Variants in PCDHB12 observed in about 807,000 individuals in gnomAD.
PCDHB12 encodes the protein protocadherin beta 12, also known as protocadherin beta-12.
For missense variants in PCDHB12, 1,192 were observed against 998.2 expected (o/e 1.19, Z -2.62); for synonymous variants, 560 against 445.2 (o/e 1.26, Z -3.24).
Position 141,210,461 on chromosome 5 carries a change from G to C in PCDHB12, c.1554G>C (p.Ser518=), listed in dbSNP as rs781913146. 4 of 1,612,910 alleles carry C rather than the reference G, an allele frequency of 2.5e-6. No homozygotes were observed. The South Asian group carries it at 3.3e-5, about 13-fold the overall frequency. ...ACGGCCACCTGTTTGCCCTCAGGTC[G>C]CTGGACTACGAGGCCCTGCAGGGGT... ...ADNGHLFALR[S]LDYEALQGFQ... is the part of the protein sequence containing the mutation. The change falls in exon 1 of 1, where the codon TCG becomes TCC. Residue 518 remains serine, a synonymous_variant. Transcript: ENST00000239450.
In PCDHB12 at chr5:141,211,233, C is replaced by A; in HGVS notation, c.2326C>A (p.Pro776Thr). Residue 776 changes from proline to threonine, a missense_variant, in exon 1 of 1, where the codon CCC (proline) becomes ACC (threonine). Pro to Thr is a conservative substitution (Grantham distance 38). Transcript: ENST00000239450. ...GAAACCAATTATCCCCAACTTCCTA[C>A]CCCAGAGCACAGGTAGTGAAGTCGA... ...FLKPIIPNFLPQSTGSEVEEN... is the reference protein window; with the variant it reads ...FLKPIIPNFLTQSTGSEVEEN... The A allele has an allele frequency of 6.2e-7, 1 of 1,613,464 alleles. No homozygotes were observed. The highest frequency in any genetic ancestry group is 1.7e-5 in the Admixed American group (1 of 59,912).
Position 141,211,365 on chromosome 5 carries a change from T to A in PCDHB12, c.*70T>A. The A allele has an allele frequency of 7.1e-7, 1 of 1,414,588 alleles. No individual in the cohort carries two copies. The highest frequency in any genetic ancestry group is 9.7e-7 in the Non-Finnish European group (1 of 1,033,068). The allele number at this position is 1,414,588 out of a possible 1,614,324, so 87.6% of individuals were successfully genotyped here. Reference sequence around the variant, plus strand: ...TTAGGAACTTATCGTGAGGTGCCTGTAAAGTAGTATTTTTGATCACTTCAA... The same window carrying A: ...TTAGGAACTTATCGTGAGGTGCCTGAAAAGTAGTATTTTTGATCACTTCAA... On this transcript the variant is annotated 3_prime_UTR_variant, in exon 1 of 1. Coordinates refer to ENST00000239450, the MANE Select transcript of PCDHB12 (RefSeq NM_018932.4).
In PCDHB12 at chr5:141,210,122, A is replaced by G. The variant is rs1588386565; in HGVS notation, c.1215A>G (p.Thr405=). 1.9e-6 allele frequency: 3 copies of G among 1,613,896 alleles called. No individual in the cohort carries two copies. Among genetic ancestry groups the G allele is most frequent in the South Asian group, 2.2e-5 (2 of 91,054 alleles). Residue 405 remains threonine (T), a synonymous_variant, in exon 1 of 1, where the codon ACA becomes ACG. Transcript: ENST00000239450. ...TAAATAATTACTACACTTTGGAAAC[A>G]GAGAGACCGCTGGACAGAGAGAGCA... is the stretch of plus-strand genomic sequence containing the variant. ...SSVNNYYTLE[T]ERPLDRESRA...
At position 141,210,885 on chromosome 5, in the gene PCDHB12, G is replaced by A; in HGVS notation, c.1978G>A (p.Val660Met). ...PPRSATATLHVLLVDGFSQPY... is the reference protein window; with the variant it reads ...PPRSATATLHMLLVDGFSQPY... ...GCGCTCGGCCACCGCCACGCTGCAC[G>A]TGCTCCTGGTGGACGGCTTCTCCCA... Residue 660 changes from valine (V) to methionine (M), a missense_variant, in exon 1 of 1, where the codon GTG becomes ATG. By Grantham distance (21) the Val-to-Met change is conservative. Coordinates refer to ENST00000239450, the MANE Select transcript of PCDHB12 (RefSeq NM_018932.4). 3 of 1,607,160 alleles carry A rather than the reference G, an allele frequency of 1.9e-6. No homozygotes were observed. The highest frequency in any genetic ancestry group is 1.7e-6 in the Non-Finnish European group (2 of 1,179,546).
rs201380159 is a variant in PCDHB12, at chr5:141,211,014, T to C, written c.2107T>C (p.Phe703Leu). ...ALASVSSLFL[F>L]SVLLFVAVRL... The stretch of plus-strand genomic sequence containing the variant: ...GGCCTCAGTGTCGTCGCTCTTCCTC[T>C]TCTCGGTGCTCCTGTTCGTGGCGGT... The change falls in exon 1 of 1, where the codon TTC becomes CTC. Residue 703 changes from phenylalanine to leucine, a missense_variant. Transcript: ENST00000239450. 5.7e-5 allele frequency: 92 copies of C among 1,611,682 alleles called. No individual in the cohort carries two copies. Among genetic ancestry groups the C allele is most frequent in the Non-Finnish European group, 7.5e-5 (89 of 1,179,908 alleles).
At position 141,210,484 on chromosome 5, in the gene PCDHB12, G is replaced by A. The variant is rs782768075; in HGVS notation, c.1577G>A (p.Gly526Glu). 1.4e-5 allele frequency: 22 copies of A among 1,612,624 alleles called. No individual in the cohort carries two copies. The highest frequency in any genetic ancestry group is 1.9e-5 in the Non-Finnish European group (22 of 1,179,842). Residue 526 changes from glycine (G) to glutamate (E), a missense_variant, in exon 1 of 1, where the codon GGG (glycine) becomes GAG (glutamate). Coordinates refer to ENST00000239450, the MANE Select transcript of PCDHB12 (RefSeq NM_018932.4). ...LRSLDYEALQ[G>E]FQFRVGATDH... ...TCGCTGGACTACGAGGCCCTGCAGG[G>A]GTTCCAGTTCCGCGTGGGCGCCACA...
rs782725376 is a variant in PCDHB12, at chr5:141,209,732, T to C, written c.825T>C (p.Ser275=). The C allele has an allele frequency of 2.5e-6, 4 of 1,614,216 alleles. No homozygotes were observed. The South Asian group carries it at 3.3e-5, about 13-fold the overall frequency. ...GGGATTTAGACTCTGGAACAAACAGTGAACTATCCTATACCTTTTCCCATG... is the reference window on the plus strand; with the variant it reads ...GGGATTTAGACTCTGGAACAAACAGCGAACTATCCTATACCTTTTCCCATG... ...SAWDLDSGTN[S]ELSYTFSHAS... The change falls in exon 1 of 1, where the codon AGT becomes AGC. Residue 275 remains serine, a synonymous_variant. Transcript: ENST00000239450.
Position 141,209,701 on chromosome 5 carries a change from C to T in PCDHB12, c.794C>T (p.Ser265Leu), listed in dbSNP as rs1563977359. ...SILGSLVVTV[S>L]AWDLDSGTNS... ...CTTGGCTCCCTGGTTGTGACCGTCT[C>T]AGCCTGGGATTTAGACTCTGGAACA... The change falls in exon 1 of 1, where the codon TCA becomes TTA. Residue 265 changes from serine (S) to leucine (L), a missense_variant. Transcript: ENST00000239450. 1 of 1,614,238 alleles carries T rather than the reference C, an allele frequency of 6.2e-7. No homozygotes were observed. The highest frequency in any genetic ancestry group is 8.5e-7 in the Non-Finnish European group (1 of 1,180,050).
rs1412595720 is a variant in PCDHB12, at chr5:141,209,545, C to T, written c.638C>T (p.Thr213Ile). 24 of 1,614,096 alleles carry T rather than the reference C, an allele frequency of 1.5e-5. No individual in the cohort carries two copies. Among genetic ancestry groups the T allele is most frequent in the Non-Finnish European group, 1.6e-5 (19 of 1,180,046 alleles). The change falls in exon 1 of 1, where the codon ACT becomes ATT. Residue 213 changes from threonine (T) to isoleucine (I), a missense_variant. Physicochemically the swap from Thr to Ile is moderately conservative, Grantham distance 89. Coordinates refer to ENST00000239450, the MANE Select transcript of PCDHB12 (RefSeq NM_018932.4). Reference sequence around the variant, plus strand: ...CGCCCGGAGCTCAGTTTCATCCTCACTGCTCTGGATGGCGGGTCCCCTCCC... The same window carrying T: ...CGCCCGGAGCTCAGTTTCATCCTCATTGCTCTGGATGGCGGGTCCCCTCCC... ...EERPELSFIL[T>I]ALDGGSPPRS...
Position 141,211,370 on chromosome 5 carries a change from T to C in PCDHB12, c.*75T>C. ...AACTTATCGTGAGGTGCCTGTAAAG[T>C]AGTATTTTTGATCACTTCAAATACA... On this transcript the variant is annotated 3_prime_UTR_variant, in exon 1 of 1. Transcript: ENST00000239450. 2.1e-6 allele frequency: 3 copies of C among 1,399,142 alleles called. No homozygotes were observed. The highest frequency in any genetic ancestry group is 2.9e-6 in the Non-Finnish European group (3 of 1,020,066). The allele number at this position is 1,399,142 out of a possible 1,614,324, so 86.7% of individuals were successfully genotyped here.
Position 141,212,445 on chromosome 5 carries a change from G to A in PCDHB12, c.*1150G>A, listed in dbSNP as rs1754480739. ...TTTTTAGAAATTTTGGGGAGTTAAG[G>A]AGAAGCATTGTTTGTTAAAAATATA... On this transcript the variant is annotated 3_prime_UTR_variant, in exon 1 of 1. Coordinates refer to ENST00000239450, the MANE Select transcript of PCDHB12 (RefSeq NM_018932.4). The A allele has an allele frequency of 6.6e-6, 1 of 152,220 alleles. No individual in the cohort carries two copies. The highest frequency in any genetic ancestry group is 2.4e-5 in the African/African-American group (1 of 41,412). The allele number at this position is 152,220 out of a possible 1,614,324, so 9.4% of individuals were successfully genotyped here. A position where few individuals can be genotyped will look rare whatever the true frequency, so the allele number is the denominator to read the frequency against.
Position 141,210,839 on chromosome 5 carries a change from C to T in PCDHB12, c.1932C>T (p.Val644=), listed in dbSNP as rs1754436755. Residue 644 remains valine (V), a synonymous_variant, in exon 1 of 1, where the codon GTC becomes GTT. Coordinates refer to ENST00000239450, the MANE Select transcript of PCDHB12 (RefSeq NM_018932.4). ...DAAKHRLVVL[V]KDNGEPPRSA... Reference sequence around the variant, plus strand: ...CCAAGCACAGGCTGGTGGTGCTGGTCAAGGACAATGGCGAGCCTCCGCGCT... The same window carrying T: ...CCAAGCACAGGCTGGTGGTGCTGGTTAAGGACAATGGCGAGCCTCCGCGCT... 1.2e-6 allele frequency: 2 copies of T among 1,602,238 alleles called. No homozygotes were observed. Among genetic ancestry groups the T allele is most frequent in the Admixed American group, 1.7e-5 (1 of 59,928 alleles).
At position 141,209,251 on chromosome 5, in the gene PCDHB12, A is replaced by G. The variant is rs199513227; in HGVS notation, c.344A>G (p.Gln115Arg). 116 of 1,614,230 alleles carry G rather than the reference A, an allele frequency of 7.2e-5. No homozygotes were observed. In the East Asian group the frequency reaches 2.5e-3, roughly 35 times the overall value. ...YFQVLMKNPTQFLQIELQVRD... is the reference protein window; with the variant it reads ...YFQVLMKNPTRFLQIELQVRD... ...CAAGTGTTAATGAAAAACCCCACGC[A>G]GTTTTTACAAATTGAGCTCCAGGTC... The change falls in exon 1 of 1, where the codon CAG (glutamine) becomes CGG (arginine). Residue 115 changes from glutamine to arginine, a missense_variant. By Grantham distance (43) the Gln-to-Arg change is conservative. Coordinates refer to ENST00000239450, the MANE Select transcript of PCDHB12 (RefSeq NM_018932.4).
In PCDHB12 at chr5:141,210,308, C is replaced by A; in HGVS notation, c.1401C>A (p.Ala467=). Residue 467 remains alanine (A), a synonymous_variant, in exon 1 of 1, where the codon GCC becomes GCA. Coordinates refer to ENST00000239450, the MANE Select transcript of PCDHB12 (RefSeq NM_018932.4). ...ALFVRENNSP[A]LHIGSISATD... is the part of the protein sequence containing the mutation. ...TCGTCCGCGAGAACAACAGCCCCGC[C>A]CTGCACATCGGCAGCATCAGCGCCA... 6.2e-7 allele frequency: 1 copy of A among 1,613,570 alleles called. No individual in the cohort carries two copies. The highest frequency in any genetic ancestry group is 1.8e-4 in the Middle Eastern group (1 of 5,522).
Position 141,210,828 on chromosome 5 carries a change from G to A in PCDHB12, c.1921G>A (p.Val641Met), listed in dbSNP as rs372246857. 2 of 1,601,448 alleles carry A rather than the reference G, an allele frequency of 1.2e-6. No homozygotes were observed. Among genetic ancestry groups the A allele is most frequent in the Non-Finnish European group, 1.7e-6 (2 of 1,178,790 alleles). Residue 641 changes from valine (V) to methionine (M), a missense_variant, in exon 1 of 1, where the codon GTG becomes ATG. Transcript: ENST00000239450. ...GCGCGACGCGGCCAAGCACAGGCTG[G>A]TGGTGCTGGTCAAGGACAATGGCGA... Reference protein sequence around the residue: ...SERDAAKHRLVVLVKDNGEPP... With the variant: ...SERDAAKHRLMVLVKDNGEPP...
Position 141,211,477 on chromosome 5 carries a change from A to G in PCDHB12, c.*182A>G. On this transcript the variant is annotated 3_prime_UTR_variant, in exon 1 of 1. Coordinates refer to ENST00000239450, the MANE Select transcript of PCDHB12 (RefSeq NM_018932.4). ...CCAAGAACACTTCACAAAGCAGGAAATGTGCATGTGTAATGGTTTATGTCA... is the reference window on the plus strand; with the variant it reads ...CCAAGAACACTTCACAAAGCAGGAAGTGTGCATGTGTAATGGTTTATGTCA... 1 of 724,558 alleles carries G rather than the reference A, an allele frequency of 1.4e-6. No individual in the cohort carries two copies. Among genetic ancestry groups the G allele is most frequent in the Non-Finnish European group, 2.4e-6 (1 of 411,234 alleles). The allele number at this position is 724,558 out of a possible 1,614,324, so 44.9% of individuals were successfully genotyped here. A position where few individuals can be genotyped will look rare whatever the true frequency, so the allele number is the denominator to read the frequency against.
In PCDHB12 at chr5:141,209,878, G is replaced by A. The variant is rs139586852; in HGVS notation, c.971G>A (p.Gly324Glu). ...TCAATAATCATTCAAGCCACAGATG[G>A]GGGAGGACTTTTTGGAAAATCTACA... The part of the protein sequence containing the change: ...SYSIIIQATD[G>E]GGLFGKSTVR... The change falls in exon 1 of 1, where the codon GGG becomes GAG. Residue 324 changes from glycine (G) to glutamate (E), a missense_variant. By Grantham distance (98) the Gly-to-Glu change is moderately conservative. Coordinates refer to ENST00000239450, the MANE Select transcript of PCDHB12 (RefSeq NM_018932.4). 9.3e-6 allele frequency: 15 copies of A among 1,614,068 alleles called. No homozygotes were observed. In the East Asian group the frequency reaches 1.3e-4, roughly 14 times the overall value.
Position 141,211,314 on chromosome 5 carries a change from A to T in PCDHB12, c.*19A>T, listed in dbSNP as rs1554287203. 2 of 1,565,162 alleles carry T rather than the reference A, an allele frequency of 1.3e-6. No individual in the cohort carries two copies. The highest frequency in any genetic ancestry group is 1.7e-6 in the Non-Finnish European group (2 of 1,160,314). The stretch of plus-strand genomic sequence containing the variant: ...TTTCTGATAAAGAATGAAAAATAAA[A>T]CCTGTGTTTATGAATACATTTATAA... On this transcript the variant is annotated 3_prime_UTR_variant, in exon 1 of 1. Coordinates refer to ENST00000239450, the MANE Select transcript of PCDHB12 (RefSeq NM_018932.4).
rs1312519126 is a variant in PCDHB12, at chr5:141,209,095, G to A, written c.188G>A (p.Gly63Glu). 2 of 1,613,630 alleles carry A rather than the reference G, an allele frequency of 1.2e-6. No individual in the cohort carries two copies. The highest frequency in any genetic ancestry group is 1.7e-6 in the Non-Finnish European group (2 of 1,179,704). Reference protein sequence around the residue: ...GLEVSELSSRGARVVSNDNKE... With the variant: ...GLEVSELSSREARVVSNDNKE... ...GAGGTGAGTGAGCTGTCTTCGCGGG[G>A]GGCTCGGGTGGTTTCTAATGATAAC... The change falls in exon 1 of 1, where the codon GGG becomes GAG. Residue 63 changes from glycine (G) to glutamate (E), a missense_variant. Physicochemically the swap from Gly to Glu is moderately conservative, Grantham distance 98. Transcript: ENST00000239450.
Sources: gnomAD v4.1 joint callset for allele counts on GRCh38, gnomAD v4.1.1 for gene constraint, MANE v1.5 for transcripts, NCBI Gene and HGNC (gene_info 2026-07-23, HGNC 2026-07-21) for gene names.